PDK1: variants seen among roughly 807,000 people sequenced by gnomAD.
PDK1 encodes pyruvate dehydrogenase kinase 1, also known as [Pyruvate dehydrogenase (acetyl-transferring)] kinase isozyme 1, mitochondrial.
Under a neutral mutation model 54.2 loss-of-function variants are expected in PDK1, and 39 were observed. That is an observed-to-expected ratio of 0.72 (90% confidence interval 0.56 to 0.94). The LOEUF (loss-of-function observed/expected upper bound fraction) is 0.94. Among genes scored for constraint, PDK1 ranks in the 40% least tolerant of loss-of-function variants. The probability of loss-of-function intolerance (pLI) is 0.00; values close to 1 mark genes in which losing one functional copy is unlikely to be tolerated. For synonymous variants in PDK1, 221 were observed against 207.1 expected (o/e 1.07, Z -0.58); for missense variants, 552 against 566.0 (o/e 0.98, Z 0.25).
In PDK1 at chr2:172,568,776, G is replaced by T; in HGVS notation, c.805G>T (p.Val269Leu). 6.2e-7 allele frequency: 1 copy of T among 1,610,226 alleles called. No homozygotes were observed. ...SPGQPIQVVY[V>L]PSHLYHMVFE... Reference sequence around the variant, plus strand: ...AGGACAGCCAATACAAGTGGTTTATGTACCATCCCATCTCTATCACATGGT... The same window carrying T: ...AGGACAGCCAATACAAGTGGTTTATTTACCATCCCATCTCTATCACATGGT... Residue 269 changes from valine (V) to leucine (L), a missense_variant, in exon 7 of 11, where the codon GTA becomes TTA. By Grantham distance (32) the Val-to-Leu change is conservative. Coordinates refer to ENST00000282077, the MANE Select transcript of PDK1 (RefSeq NM_002610.5).
the PDK1 span, among the ~76,000 whole-genome samples, chr2:172,641,688 C>T: frequency 6.6e-6 from 1 of 152,142 alleles, no homozygotes; most frequent in Non-Finnish European, 1.5e-5. Context: ...AGGTGATCTG[C>T]CTGCCTCGGC....
chr2:172,670,478 T>C, the PDK1 span, among the ~76,000 whole-genome samples: 1 of 152,224 alleles, frequency 6.6e-6, no homozygotes, highest in Non-Finnish European at 1.5e-5. Context: ...TATGAAGTTT[T>C]AATTAATGTT....
the PDK1 span, among the ~76,000 whole-genome samples, chr2:172,697,945 T>TC: frequency 6.6e-6 from 1 of 152,316 alleles, no homozygotes; most frequent in South Asian, 2.1e-4. Flanking sequence ...ATGGCAACTG[T>TC]CAGAAGCATC....
chr2:172,717,093 T>C, the PDK1 span, among the ~76,000 whole-genome samples: 10 of 152,378 alleles, frequency 6.6e-5, no homozygotes, highest in East Asian at 1.9e-3. Flanking sequence ...TCCTACATTG[T>C]ACCAGGGTTG....
At chr2:172,703,870 TCAAGTGATTCTC>T in the PDK1 span, among the ~76,000 whole-genome samples, 53 of 149,780 alleles carry the variant, frequency 3.5e-4, no homozygotes, top group Non-Finnish European at 6.5e-4. Flanking sequence ...CCTCCCAAGT[TCAAGTGATTCTC>T]CTGCCTCATC....
At chr2:172,580,753 A>C (rs1284263303) in intron 8 of PDK1, among the ~76,000 whole-genome samples, 1 of 152,258 alleles carries the variant, frequency 6.6e-6, no homozygotes, top group Admixed American at 6.5e-5. Flanking sequence ...ATGTCCATAC[A>C]GTGGAATATT....
the PDK1 span, among the ~76,000 whole-genome samples, chr2:172,686,376 G>T: frequency 6.6e-6 from 1 of 152,104 alleles, no homozygotes. Context: ...TTTGTAACTA[G>T]CTAGAGGTTT....
At position 172,607,781 on chromosome 2, in the gene PDK1, A is replaced by AG. The variant is rs1691345311; in HGVS notation, c.*11816dup. 6.5e-6 allele frequency: 1 copy of AG among 153,108 alleles called. No homozygotes were observed. Among genetic ancestry groups the AG allele is most frequent in the Non-Finnish European group, 1.5e-5 (1 of 68,780 alleles). 9.5% of individuals were successfully genotyped at this position (153,108 alleles called of 1,614,324 possible). ...AGGCAGCAGGGGAAGGAAAAGGAGC[A>AG]GGGGATAGGGGAACTTTAGGAGCAG... On this transcript the variant is annotated 3_prime_UTR_variant, in exon 11 of 11. Coordinates refer to ENST00000282077, the MANE Select transcript of PDK1 (RefSeq NM_002610.5).
intron 8 of PDK1, among the ~76,000 whole-genome samples, chr2:172,584,372 GTTTTT>G (rs149706116): frequency 7.2e-6 from 1 of 139,270 alleles, no homozygotes; most frequent in Non-Finnish European, 1.6e-5. Flanking sequence ...CTTTGTAACT[GTTTTT>G]TTTTTGTTTG....
rs150254516 is a variant in PDK1, at chr2:172,559,739, A to G, written c.338+890A>G. Reference sequence around the variant, plus strand: ...ATTTTTGTATTTTTAGTAGAAATAGAGGTTTCACCATGTTGGCCAGGCTGG... The same window carrying G: ...ATTTTTGTATTTTTAGTAGAAATAGGGGTTTCACCATGTTGGCCAGGCTGG... On this transcript the variant is annotated intron_variant, in intron 2 of 10. Transcript: ENST00000282077. 7.5e-3 allele frequency among the ~76,000 whole-genome samples: 1,148 copies of G among 152,058 alleles called. 20 individuals carry two copies. Among genetic ancestry groups the G allele is most frequent in the African/African-American group, 0.026 (1,075 of 41,470 alleles).
At chr2:172,660,716 C>T in the PDK1 span, among the ~76,000 whole-genome samples, 2 of 151,944 alleles carry the variant, frequency 1.3e-5, no homozygotes, top group Non-Finnish European at 2.9e-5. Flanking sequence ...CAGCCCTGGT[C>T]GAAGCAGGTC....
chr2:172,685,760 A>T, the PDK1 span, among the ~76,000 whole-genome samples: 1 of 152,348 alleles, frequency 6.6e-6, no homozygotes, highest in Non-Finnish European at 1.5e-5. Context: ...TAATGATCTT[A>T]GGTGACTTTT....
chr2:172,681,913 A>C, the PDK1 span, among the ~76,000 whole-genome samples: 1 of 152,126 alleles, frequency 6.6e-6, no homozygotes, highest in East Asian at 1.9e-4. Flanking sequence ...ACCCGCCACC[A>C]CACCCGGCTA....
chr2:172,670,566 T>A, the PDK1 span, among the ~76,000 whole-genome samples: 16 of 152,186 alleles, frequency 1.1e-4, no homozygotes, highest in Non-Finnish European at 2.2e-4. Flanking sequence ...AAAGTACAAA[T>A]AGTGAACATT....
chr2:172,571,402 C>T (rs909284162), intron 8 of PDK1, among the ~76,000 whole-genome samples: 2 of 152,164 alleles, frequency 1.3e-5, no homozygotes, highest in Non-Finnish European at 2.9e-5. Flanking sequence ...TGTTTTCTGT[C>T]ACCCAGGCTG....
the PDK1 span, among the ~76,000 whole-genome samples, chr2:172,721,527 G>T: frequency 6.6e-6 from 1 of 152,006 alleles, no homozygotes; most frequent in Non-Finnish European, 1.5e-5. Flanking sequence ...TAGCAGAGAC[G>T]GGGTTTCACC....
In PDK1 at chr2:172,556,140, C is replaced by T; in HGVS notation, c.-11C>T. On this transcript the variant is annotated 5_prime_UTR_variant, in exon 1 of 11. Coordinates refer to ENST00000282077, the MANE Select transcript of PDK1 (RefSeq NM_002610.5). The stretch of plus-strand genomic sequence containing the variant: ...GGCGTACTGGCTGTGGCTTCTCTAG[C>T]GGGACTCGGCATGAGGCTGGCGCGG... 2 of 1,402,714 alleles carry T rather than the reference C, an allele frequency of 1.4e-6. No individual in the cohort carries two copies. Among genetic ancestry groups the T allele is most frequent in the Admixed American group, 3.3e-5 (1 of 30,042 alleles). 86.9% of individuals were successfully genotyped at this position (1,402,714 alleles called of 1,614,324 possible). A position where few individuals can be genotyped will look rare whatever the true frequency, so the allele number is the denominator to read the frequency against.
At chr2:172,687,609 G>T in the PDK1 span, among the ~76,000 whole-genome samples, 1 of 152,138 alleles carries the variant, frequency 6.6e-6, no homozygotes, top group Non-Finnish European at 1.5e-5. Context: ...ATCAAGGCAT[G>T]GTGGATTACA....
At position 172,599,271 on chromosome 2, in the gene PDK1, ATAT is replaced by A. The variant is rs1323610882; in HGVS notation, c.*3303_*3305del. 2.6e-5 allele frequency: 4 copies of A among 151,984 alleles called. No homozygotes were observed. The highest frequency in any genetic ancestry group is 5.9e-5 in the Non-Finnish European group (4 of 68,000). The allele number at this position is 151,984 out of a possible 1,614,324, so 9.4% of individuals were successfully genotyped here. The stretch of plus-strand genomic sequence containing the variant: ...TCCTATCCTATTTTTAATTGATGGG[ATAT>A]AGGCAGCACAATTTCCCTTCATTGT... On this transcript the variant is annotated 3_prime_UTR_variant, in exon 11 of 11. Transcript: ENST00000282077.
Sources: allele counts gnomAD v4.1 joint callset (sites outside exome capture counted in the v4.1 genomes callset), GRCh38; gene constraint gnomAD v4.1.1; transcripts MANE v1.5; gene names NCBI Gene and HGNC (gene_info 2026-07-23, HGNC 2026-07-21).